Variants in RORA observed in about 807,000 individuals in gnomAD.
RORA encodes the protein RAR related orphan receptor A.
RORA carries 7 observed loss-of-function variants against 69.5 expected under a neutral mutation model. The observed-to-expected ratio is 0.10, with a 90% CI of 0.06 to 0.19. The LOEUF (loss-of-function observed/expected upper bound fraction) is 0.19, where lower values mean the gene tolerates loss of function less well. RORA is among the 10% of genes least tolerant of loss of function. The pLI is 1.00. For synonymous variants in RORA, 261 were observed against 240.8 expected, an observed-to-expected ratio of 1.08 and a Z score of -0.78; for missense variants, 457 against 663.0, an observed-to-expected ratio of 0.69 and a Z score of 3.41.
At chr15:60,682,717 A>G (rs1035812119) in intron 1 of RORA, among the ~76,000 whole-genome samples, 14 of 152,316 alleles carry the variant, frequency 9.2e-5, no homozygotes, top group African/African-American at 3.1e-4. Flanking sequence ...GGTCCCCACT[A>G]CCGAAGGGCA....
intron 2 of RORA, among the ~76,000 whole-genome samples, chr15:60,593,833 T>G (rs565809319): frequency 5.0e-4 from 72 of 143,524 alleles, no homozygotes; most frequent in African/African-American, 1.7e-3. Flanking sequence ...CATATTTTTT[T>G]CTCCATGTAA....
At chr15:61,004,317 T>C (rs1350863602) in intron 1 of RORA, among the ~76,000 whole-genome samples, 1 of 150,082 alleles carries the variant, frequency 6.7e-6, no homozygotes, top group Non-Finnish European at 1.5e-5. Context: ...ACAATACAAA[T>C]AATACAGCAA....
chr15:60,592,794 G>C, intron 2 of RORA: 1 of 666,536 alleles, frequency 1.5e-6, no homozygotes, highest in Non-Finnish European at 2.3e-6. Context: ...CCTTCCCCTC[G>C]CCTTCGGGAT....
At chr15:60,685,130 T>C (rs1290325268) in intron 1 of RORA, among the ~76,000 whole-genome samples, 1 of 152,166 alleles carries the variant, frequency 6.6e-6, no homozygotes, top group African/African-American at 2.4e-5. Context: ...TGACTGGACA[T>C]AGGCAAAACC....
intron 1 of RORA, among the ~76,000 whole-genome samples, chr15:60,922,028 A>C (rs7164391): frequency 0.11 from 16,232 of 152,188 alleles, 2,409 homozygotes; most frequent in African/African-American, 0.33. Flanking sequence ...TTTTATCTGC[A>C]TCTGTCTCCC....
chr15:61,031,538 A>T (rs1896169274), intron 1 of RORA, among the ~76,000 whole-genome samples: 1 of 152,182 alleles, frequency 6.6e-6, no homozygotes, highest in Admixed American at 6.5e-5. Flanking sequence ...CTAGACATAC[A>T]TGTATGAAGT....
At chr15:60,829,278 C>T (rs912255600) in intron 1 of RORA, among the ~76,000 whole-genome samples, 1 of 152,194 alleles carries the variant, frequency 6.6e-6, no homozygotes, top group African/African-American at 2.4e-5. Flanking sequence ...CAGGTCACTG[C>T]TGCCCGGAGC....
intron 1 of RORA, among the ~76,000 whole-genome samples, chr15:60,977,410 T>C (rs968085594): frequency 6.6e-6 from 1 of 152,180 alleles, no homozygotes; most frequent in South Asian, 2.1e-4. Flanking sequence ...TATATAATTA[T>C]ACTTATTTTT....
intron 1 of RORA, among the ~76,000 whole-genome samples, chr15:61,064,467 A>G (rs1256633198): frequency 3.9e-5 from 6 of 152,172 alleles, no homozygotes; most frequent in Non-Finnish European, 8.8e-5. Flanking sequence ...TACTACTCCC[A>G]CACAAGCAAA....
intron 1 of RORA, among the ~76,000 whole-genome samples, chr15:61,013,718 G>C (rs1327272468): frequency 6.6e-6 from 1 of 150,696 alleles, no homozygotes; most frequent in East Asian, 1.9e-4. Context: ...TAGTATACTG[G>C]AAAGGTTATT....
At chr15:60,771,151 T>C (rs891332273) in intron 1 of RORA, among the ~76,000 whole-genome samples, 1 of 151,094 alleles carries the variant, frequency 6.6e-6, no homozygotes, top group Non-Finnish European at 1.5e-5. Context: ...ACTGACTCTC[T>C]TTTCTTTCTG....
intron 1 of RORA, among the ~76,000 whole-genome samples, chr15:61,029,156 A>C (rs1896000068): frequency 6.6e-6 from 1 of 152,166 alleles, no homozygotes; most frequent in Non-Finnish European, 1.5e-5. Context: ...TAAAAAAAAA[A>C]ACATCTAAAC....
intron 1 of RORA, among the ~76,000 whole-genome samples, chr15:60,837,171 C>A (rs982168506): frequency 6.6e-6 from 1 of 152,142 alleles, no homozygotes; most frequent in African/African-American, 2.4e-5. Flanking sequence ...CATGCCGCAC[C>A]CCCTCGTTGA....
chr15:61,008,581 C>T (rs543169223), intron 1 of RORA, among the ~76,000 whole-genome samples: 44 of 152,194 alleles, frequency 2.9e-4, no homozygotes, highest in African/African-American at 1.0e-3. Flanking sequence ...CCACCTGTGA[C>T]TTATAACTAC....
At chr15:60,589,966 G>A (rs1955067532) in intron 2 of RORA, among the ~76,000 whole-genome samples, 2 of 152,258 alleles carry the variant, frequency 1.3e-5, no homozygotes, top group African/African-American at 2.4e-5. Flanking sequence ...AGAAGCAATA[G>A]GGAAGTATTT....
At chr15:61,063,324 G>T (rs144196694) in intron 1 of RORA, among the ~76,000 whole-genome samples, 3 of 152,220 alleles carry the variant, frequency 2.0e-5, no homozygotes, top group African/African-American at 4.8e-5. Context: ...AGAGAAAAAA[G>T]GCAGACAGAA....
chr15:60,722,787 C>T (rs983693081), intron 1 of RORA, among the ~76,000 whole-genome samples: 18 of 152,212 alleles, frequency 1.2e-4, no homozygotes, highest in Admixed American at 9.8e-4. Context: ...CCAGTGGAGA[C>T]CCTGTCATTC....
At chr15:60,643,092 G>A (rs1388952593) in intron 2 of RORA, among the ~76,000 whole-genome samples, 1 of 152,186 alleles carries the variant, frequency 6.6e-6, no homozygotes, top group Admixed American at 6.5e-5. Flanking sequence ...GGAAGGCGAA[G>A]GTTGCAGTGA....
chr15:61,149,556 C>G (rs1404683440), intron 1 of RORA, among the ~76,000 whole-genome samples: 1 of 152,084 alleles, frequency 6.6e-6, no homozygotes, highest in Non-Finnish European at 1.5e-5. Context: ...AAGAAACTTA[C>G]AGCAAAGGAG....
Sources: allele counts gnomAD v4.1 joint callset (sites outside exome capture counted in the v4.1 genomes callset), GRCh38; gene constraint gnomAD v4.1.1; transcripts MANE v1.5; gene names NCBI Gene and HGNC (gene_info 2026-07-23, HGNC 2026-07-21).